Variants in PPFIA2 observed in about 807,000 individuals in gnomAD.
PPFIA2 encodes the protein liprin-alpha-2.
In PPFIA2, 46 loss-of-function variants were observed where a neutral mutation model predicts 175.5. The ratio of observed to expected loss-of-function variants is 0.26; its 90% CI spans 0.21 to 0.34. PPFIA2 has a LOEUF of 0.34. PPFIA2 is among the 10% of genes least tolerant of loss of function. The pLI is 1.00. For synonymous variants in PPFIA2, 568 were observed against 511.4 expected (o/e 1.11, Z -1.49); for missense variants, 1,179 against 1,506.1 (o/e 0.78, Z 3.60).
intron 4 of PPFIA2, among the ~76,000 whole-genome samples, chr12:81,658,859 G>T (rs2068260723): frequency 6.6e-6 from 1 of 152,056 alleles, no homozygotes; most frequent in Non-Finnish European, 1.5e-5. Context: ...TGGTTAAAAT[G>T]ATATTTCCAT....
chr12:81,269,016 C>T (rs1348578650), intron 28 of PPFIA2, among the ~76,000 whole-genome samples: 3 of 152,114 alleles, frequency 2.0e-5, no homozygotes, highest in Non-Finnish European at 4.4e-5. Flanking sequence ...AAAATTGTTT[C>T]CACTCTATTG....
intron 4 of PPFIA2, among the ~76,000 whole-genome samples, chr12:81,553,473 T>C (rs1450246973): frequency 2.0e-5 from 3 of 152,084 alleles, no homozygotes; most frequent in Non-Finnish European, 4.4e-5. Context: ...CTGTGAGCAC[T>C]TTAACCCATA....
rs188505518 is a variant in PPFIA2 at position 81,585,769 on chromosome 12, A to T, written c.303+91022T>A. Among the ~76,000 whole-genome samples, 4 of 152,096 alleles carry T rather than the reference A, an allele frequency of 2.6e-5. No homozygotes were observed. In the East Asian group the frequency reaches 7.7e-4, roughly 29 times the overall value. ...AGTAGAAGTACACTCCAAAATATCA[A>T]TTAAAATATTGTATAGTAAATGTAT... On this transcript the variant is annotated intron_variant, in intron 4 of 32. Transcript: ENST00000549396.
At chr12:81,545,658 T>C (rs1214595627) in intron 4 of PPFIA2, 1 of 152,234 alleles carries the variant, frequency 6.6e-6, no homozygotes, top group African/African-American at 2.4e-5. Flanking sequence ...GCATCAGGGG[T>C]CCTGCTCAGT....
chr12:81,279,783 C>T (rs1302405482), intron 27 of PPFIA2, among the ~76,000 whole-genome samples: 22 of 152,112 alleles, frequency 1.4e-4, no homozygotes, highest in Admixed American at 1.3e-4. Context: ...CTAATGCAAA[C>T]GTGAAATATG....
At chr12:81,536,503 A>G (rs918509655) in intron 4 of PPFIA2, among the ~76,000 whole-genome samples, 3 of 151,270 alleles carry the variant, frequency 2.0e-5, no homozygotes, top group African/African-American at 4.8e-5. Flanking sequence ...TATTACAGAA[A>G]ATTAAAAAAA....
rs550059076 is a variant in PPFIA2, at chr12:81,329,476, T to C, written c.2549-3606A>G. On this transcript the variant is annotated intron_variant, in intron 21 of 32. Transcript: ENST00000549396. The stretch of plus-strand genomic sequence containing the variant: ...AAGGTGTGACAGGCACAGTCAAGGA[T>C]TTTTTTTTGCCAGCCCCTCTTCCTG... Among the ~76,000 whole-genome samples the C allele has an allele frequency of 2.6e-5, 4 of 151,412 alleles. No individual in the cohort carries two copies. In the South Asian group the frequency reaches 8.4e-4, roughly 32 times the overall value.
intron 4 of PPFIA2, among the ~76,000 whole-genome samples, chr12:81,495,814 CCAAAA>C (rs919525278): frequency 5.3e-5 from 8 of 152,008 alleles, no homozygotes; most frequent in African/African-American, 9.7e-5. Flanking sequence ...GATCCTGTTT[CCAAAA>C]CAAAACAAAA....
chr12:81,379,018 A>G (rs577614107), intron 9 of PPFIA2, among the ~76,000 whole-genome samples: 1 of 152,268 alleles, frequency 6.6e-6, no homozygotes, highest in East Asian at 1.9e-4. Flanking sequence ...ACTATTATGT[A>G]CACAATTAGA....
intron 23 of PPFIA2, 23 bp downstream of exon 23, chr12:81,299,278 G>C (rs765885964): frequency 4.5e-6 from 7 of 1,571,084 alleles, no homozygotes; most frequent in Non-Finnish European, 2.6e-6. Flanking sequence ...TGATTCAAGG[G>C]CCTCCTAGTT....
At chr12:81,598,062 A>G (rs1368810535) in intron 4 of PPFIA2, 2 of 1,534,420 alleles carry the variant, frequency 1.3e-6, no homozygotes, top group Non-Finnish European at 1.7e-6. Flanking sequence ...ATAATCCACA[A>G]GGAGCTACAG....
At chr12:81,530,465 G>A (rs2064353656) in intron 4 of PPFIA2, among the ~76,000 whole-genome samples, 1 of 151,980 alleles carries the variant, frequency 6.6e-6, no homozygotes, top group Admixed American at 6.6e-5. Flanking sequence ...GCCTAGGTCA[G>A]GAATGTAAGC....
At chr12:81,732,528 A>C (rs970163162) in intron 3 of PPFIA2, among the ~76,000 whole-genome samples, 1 of 150,654 alleles carries the variant, frequency 6.6e-6, no homozygotes, top group African/African-American at 2.4e-5. Flanking sequence ...AAAAAAAAAA[A>C]ACACTCACAC....
intron 7 of PPFIA2, among the ~76,000 whole-genome samples, chr12:81,427,244 C>G (rs1359388041): frequency 6.6e-6 from 1 of 152,020 alleles, no homozygotes; most frequent in Non-Finnish European, 1.5e-5. Context: ...AGTAACTACA[C>G]CGAAATTGAA....
intron 3 of PPFIA2, among the ~76,000 whole-genome samples, chr12:81,701,552 T>C (rs984880635): frequency 3.3e-5 from 5 of 152,184 alleles, no homozygotes; most frequent in African/African-American, 1.2e-4. Context: ...TGAAACTTTC[T>C]AAATGCATTA....
chr12:81,679,685 T>C (rs1023396649), intron 3 of PPFIA2, among the ~76,000 whole-genome samples: 1 of 151,910 alleles, frequency 6.6e-6, no homozygotes, highest in African/African-American at 2.4e-5. Flanking sequence ...AATGGGTAAG[T>C]TGTAAATTGA....
intron 4 of PPFIA2, among the ~76,000 whole-genome samples, chr12:81,468,906 G>A (rs1423756085): frequency 6.6e-6 from 1 of 151,690 alleles, no homozygotes. Context: ...GGGGTGGGGG[G>A]TGAAAGCATT....
At chr12:81,703,816 T>C (rs1567929289) in intron 3 of PPFIA2, among the ~76,000 whole-genome samples, 1 of 152,096 alleles carries the variant, frequency 6.6e-6, no homozygotes, top group Non-Finnish European at 1.5e-5. Flanking sequence ...TTACATATGA[T>C]ACTCTTTCTC....
At chr12:81,599,216 T>C (rs900878087) in intron 4 of PPFIA2, among the ~76,000 whole-genome samples, 1 of 151,946 alleles carries the variant, frequency 6.6e-6, no homozygotes, top group Non-Finnish European at 1.5e-5. Context: ...AGTGGTGTCT[T>C]TGTGAATGTA....
Sources: allele counts gnomAD v4.1 joint callset (sites outside exome capture counted in the v4.1 genomes callset), GRCh38; gene constraint gnomAD v4.1.1; transcripts MANE v1.5; gene names NCBI Gene and HGNC (gene_info 2026-07-23, HGNC 2026-07-21).